The following MYRIP variants were observed in gnomAD, a reference collection of about 807,000 sequenced individuals.
The protein encoded by MYRIP is rab effector MyRIP.
In MYRIP, 49 loss-of-function variants were observed where a neutral mutation model predicts 98.0. That is an observed-to-expected ratio of 0.50 (90% CI 0.40 to 0.63). The LOEUF is 0.63. MYRIP is among the 30% of genes least tolerant of loss of function. The pLI is 0.00. For synonymous variants in MYRIP, 404 were observed against 409.5 expected, an observed-to-expected ratio of 0.99 and a Z score of 0.16; for missense variants, 1,004 against 1,058.2, an observed-to-expected ratio of 0.95 and a Z score of 0.71.
At chr3:39,935,996 A>G (rs1944648680) in intron 2 of MYRIP, among the ~76,000 whole-genome samples, 1 of 152,226 alleles carries the variant, frequency 6.6e-6, no homozygotes. Flanking sequence ...TTAATTTGGC[A>G]ATTTCAACAC....
chr3:40,142,689 G>T (rs1389344560), intron 3 of MYRIP, among the ~76,000 whole-genome samples: 1 of 151,902 alleles, frequency 6.6e-6, no homozygotes, highest in Non-Finnish European at 1.5e-5. Context: ...GAACTCCTAG[G>T]CTCAAGCAAT....
At chr3:40,212,689 G>A (rs375904464) in intron 11 of MYRIP, among the ~76,000 whole-genome samples, 6 of 152,134 alleles carry the variant, frequency 3.9e-5, no homozygotes, top group Admixed American at 2.0e-4. Context: ...TTGGGCCCAC[G>A]AGGTTGAGGC....
At chr3:40,033,064 G>A (rs1337511263) in intron 2 of MYRIP, among the ~76,000 whole-genome samples, 8 of 150,748 alleles carry the variant, frequency 5.3e-5, no homozygotes, top group African/African-American at 2.4e-5. Context: ...TTGATGGGAC[G>A]TATCTCAAAA....
chr3:39,953,754 G>A (rs937890086), intron 2 of MYRIP, among the ~76,000 whole-genome samples: 1 of 152,152 alleles, frequency 6.6e-6, no homozygotes, highest in Non-Finnish European at 1.5e-5. Flanking sequence ...CAAGGGGTCA[G>A]GGAATTCCTT....
intron 10 of MYRIP, among the ~76,000 whole-genome samples, chr3:40,200,276 C>T (rs1338663023): frequency 2.0e-5 from 3 of 151,178 alleles, no homozygotes; most frequent in Admixed American, 6.6e-5. Flanking sequence ...AAAGAAAAAT[C>T]GCAAAAAAAA....
At chr3:40,227,587 A>C (rs1952525128) in intron 11 of MYRIP, among the ~76,000 whole-genome samples, 1 of 152,218 alleles carries the variant, frequency 6.6e-6, no homozygotes, top group African/African-American at 2.4e-5. Flanking sequence ...TTGGCAAAAG[A>C]AAAAACAAGA....
At chr3:40,171,021 A>G (rs1950600821) in intron 8 of MYRIP, among the ~76,000 whole-genome samples, 1 of 152,184 alleles carries the variant, frequency 6.6e-6, no homozygotes, top group African/African-American at 2.4e-5. Flanking sequence ...CCAGATGCAC[A>G]ACGGTTACAA....
intron 1 of MYRIP, among the ~76,000 whole-genome samples, chr3:39,823,018 CTT>C (rs35819968): frequency 3.5e-4 from 43 of 123,260 alleles, no homozygotes; most frequent in African/African-American, 8.0e-4. Flanking sequence ...TCTTTTCTTC[CTT>C]TTTTTTTTTT....
intron 2 of MYRIP, among the ~76,000 whole-genome samples, chr3:39,988,898 A>G (rs778742050): frequency 1.3e-5 from 2 of 151,426 alleles, no homozygotes; most frequent in Non-Finnish European, 2.9e-5. Flanking sequence ...TGGTTATTCT[A>G]TTTAGCAGCT....
intron 1 of MYRIP, among the ~76,000 whole-genome samples, chr3:39,871,978 A>T (rs1942803693): frequency 6.6e-6 from 1 of 152,066 alleles, no homozygotes; most frequent in African/African-American, 2.4e-5. Flanking sequence ...TGCAGCTGTC[A>T]CACACCATAG....
In MYRIP at chr3:39,919,600, G is replaced by A. The variant is rs11917230; in HGVS notation, c.110+18674G>A. 6.0e-3 allele frequency among the ~76,000 whole-genome samples: 917 copies of A among 152,084 alleles called. 9 individuals carry two copies. The highest frequency in any genetic ancestry group is 0.021 in the African/African-American group (858 of 41,464). ...TGTGGGTCTGGAATCACATCTAAGC[G>A]CTTATGTTGCTGTAACAATATAAAC... is the stretch of plus-strand genomic sequence containing the variant. On this transcript the variant is annotated intron_variant, in intron 2 of 16. Coordinates refer to ENST00000302541, the MANE Select transcript of MYRIP (RefSeq NM_015460.4).
At chr3:40,146,782 C>T (rs1431769114) in intron 3 of MYRIP, among the ~76,000 whole-genome samples, 2 of 152,134 alleles carry the variant, frequency 1.3e-5, no homozygotes, top group Non-Finnish European at 2.9e-5. Context: ...CGTATGCACA[C>T]ACACACACCC....
At chr3:40,241,333 T>TA (rs1953008285) in intron 12 of MYRIP, among the ~76,000 whole-genome samples, 2 of 152,220 alleles carry the variant, frequency 1.3e-5, no homozygotes, top group African/African-American at 4.8e-5. Context: ...GTTGGTCCTC[T>TA]TTCTTAAAGT....
intron 2 of MYRIP, among the ~76,000 whole-genome samples, chr3:39,913,433 A>G (rs1559520109): frequency 6.6e-6 from 1 of 152,178 alleles, no homozygotes; most frequent in Admixed American, 6.5e-5. Flanking sequence ...CCACCTAAAC[A>G]GTATATTGGC....
chr3:40,154,756 G>A (rs777410581), intron 4 of MYRIP, among the ~76,000 whole-genome samples: 2 of 151,988 alleles, frequency 1.3e-5, no homozygotes, highest in Non-Finnish European at 2.9e-5. Context: ...GTGTCCATGT[G>A]TTGTCACTGT....
At chr3:40,022,316 G>A (rs746542647) in intron 2 of MYRIP, among the ~76,000 whole-genome samples, 1 of 152,156 alleles carries the variant, frequency 6.6e-6, no homozygotes, top group Non-Finnish European at 1.5e-5. Flanking sequence ...GGCTATAATC[G>A]AGTTAAGTAC....
chr3:40,044,974 T>G (rs1947640075), intron 3 of MYRIP, among the ~76,000 whole-genome samples: 1 of 152,202 alleles, frequency 6.6e-6, no homozygotes, highest in Non-Finnish European at 1.5e-5. Context: ...CTGATGAGTA[T>G]GATAAACCAG....
intron 2 of MYRIP, among the ~76,000 whole-genome samples, chr3:40,015,199 C>T (rs759587781): frequency 6.6e-6 from 1 of 152,120 alleles, no homozygotes; most frequent in African/African-American, 2.4e-5. Flanking sequence ...TGAGGAATCT[C>T]AGAGTTCTAA....
intron 3 of MYRIP, among the ~76,000 whole-genome samples, chr3:40,081,992 T>A (rs1038535468): frequency 6.6e-6 from 1 of 152,210 alleles, no homozygotes; most frequent in Non-Finnish European, 1.5e-5. Context: ...TTGTTGCAAA[T>A]GACAAAATTC....
Sources: allele counts gnomAD v4.1 joint callset (sites outside exome capture counted in the v4.1 genomes callset), GRCh38; gene constraint gnomAD v4.1.1; transcripts MANE v1.5; gene names NCBI Gene and HGNC (gene_info 2026-07-23, HGNC 2026-07-21).